DHRSX: variants seen among roughly 807,000 people sequenced by gnomAD.
DHRSX encodes polyprenol dehydrogenase.
DHRSX carries 31 observed loss-of-function variants against 34.0 expected under a neutral mutation model. That is an observed-to-expected ratio of 0.91 (90% CI 0.69 to 1.23). The LOEUF is 1.23. Among genes scored for constraint, DHRSX ranks in the 50% most tolerant of loss-of-function variants. The probability of loss-of-function intolerance (pLI) is 0.00; values close to 1 mark genes in which losing one functional copy is unlikely to be tolerated. For synonymous variants in DHRSX, 201 were observed against 183.8 expected (o/e 1.09, Z -0.76); for missense variants, 414 against 428.1 (o/e 0.97, Z 0.29).
intron 5 of DHRSX, among the ~76,000 whole-genome samples, chrX:2,266,358 G>A (rs2041471383): frequency 6.8e-6 from 1 of 146,190 alleles, no homozygotes; most frequent in Non-Finnish European, 1.5e-5. Context: ...GAGCACCAGT[G>A]CTCGGCAGAT....
At chrX:2,336,779 CTTG>C (rs1346569137) in intron 3 of DHRSX, among the ~76,000 whole-genome samples, 2 of 152,018 alleles carry the variant, frequency 1.3e-5, no homozygotes, top group African/African-American at 4.8e-5. Flanking sequence ...AAAGAATAAA[CTTG>C]TTGTGGCTTT....
At chrX:2,485,052 G>C (rs189278402) in intron 1 of DHRSX, among the ~76,000 whole-genome samples, 50 of 152,216 alleles carry the variant, frequency 3.3e-4, no homozygotes, top group Admixed American at 1.5e-3. Flanking sequence ...TCTGCAAAGT[G>C]GGGGGGAAAC....
intron 6 of DHRSX, among the ~76,000 whole-genome samples, chrX:2,237,408 A>AT (rs1202200753): frequency 6.6e-6 from 1 of 152,084 alleles, no homozygotes; most frequent in African/African-American, 2.4e-5. Context: ...GTTCATTTTG[A>AT]TGGCAGGCCT....
chrX:2,273,931 G>A (rs1253540964), intron 4 of DHRSX, among the ~76,000 whole-genome samples: 6 of 152,210 alleles, frequency 3.9e-5, no homozygotes, highest in Non-Finnish European at 7.3e-5. Flanking sequence ...AGCTGCGTGA[G>A]AATTCCTGCG....
intron 3 of DHRSX, among the ~76,000 whole-genome samples, chrX:2,340,369 T>A (rs1394903986): frequency 6.6e-6 from 1 of 152,088 alleles, no homozygotes; most frequent in Non-Finnish European, 1.5e-5. Context: ...TCCAGTCTCA[T>A]CCAGGTCACT....
chrX:2,401,797 A>C (rs950118195), intron 3 of DHRSX, among the ~76,000 whole-genome samples: 1 of 152,214 alleles, frequency 6.6e-6, no homozygotes, highest in Non-Finnish European at 1.5e-5. Context: ...AGGAGCCACA[A>C]AGGTGTGGGC....
At chrX:2,245,924 T>C (rs1478638495) in intron 5 of DHRSX, among the ~76,000 whole-genome samples, 1 of 140,970 alleles carries the variant, frequency 7.1e-6, no homozygotes, top group African/African-American at 2.7e-5. Context: ...ATTGTACCAC[T>C]GCACTCCAGC....
chrX:2,307,783 TAAAAATAAA>T (rs72054661), intron 3 of DHRSX, among the ~76,000 whole-genome samples: 3,336 of 102,668 alleles, frequency 0.032, 113 homozygotes, highest in African/African-American at 0.09. Context: ...AAAAAAGTAA[TAAAAATAAA>T]AAAAATAAAA....
chrX:2,234,469 C>T (rs1175795517), intron 6 of DHRSX, among the ~76,000 whole-genome samples: 1 of 152,228 alleles, frequency 6.6e-6, no homozygotes, highest in Non-Finnish European at 1.5e-5. Flanking sequence ...CCTTCCCTGC[C>T]TTCCAGGCAC....
chrX:2,471,135 C>T (rs933436872), intron 1 of DHRSX, among the ~76,000 whole-genome samples: 1 of 152,076 alleles, frequency 6.6e-6, no homozygotes, highest in Non-Finnish European at 1.5e-5. Flanking sequence ...CATTTCCAGG[C>T]AGAAAACAAA....
chrX:2,268,220 T>G (rs1041026529), intron 4 of DHRSX, among the ~76,000 whole-genome samples: 2 of 152,180 alleles, frequency 1.3e-5, no homozygotes, highest in African/African-American at 4.8e-5. Flanking sequence ...GTCCTTGCTG[T>G]GGAGGCCTGA....
intron 6 of DHRSX, among the ~76,000 whole-genome samples, chrX:2,242,609 G>C (rs1286843219): frequency 6.6e-6 from 1 of 152,062 alleles, no homozygotes; most frequent in Admixed American, 6.6e-5. Flanking sequence ...CAGTAAAGAA[G>C]CGGGCCAAAA....
chrX:2,236,653 A>T (rs2016022588), intron 6 of DHRSX, among the ~76,000 whole-genome samples: 1 of 151,924 alleles, frequency 6.6e-6, no homozygotes, highest in Non-Finnish European at 1.5e-5. Flanking sequence ...GCTGGTCTCG[A>T]ACTCCTGGCC....
chrX:2,310,069 A>C (rs1454570204), intron 3 of DHRSX, among the ~76,000 whole-genome samples: 1 of 152,114 alleles, frequency 6.6e-6, no homozygotes, highest in Non-Finnish European at 1.5e-5. Context: ...GTCCCTACGC[A>C]TCCTAATAAA....
At chrX:2,417,689 A>G (rs2043714611) in intron 2 of DHRSX, among the ~76,000 whole-genome samples, 1 of 151,854 alleles carries the variant, frequency 6.6e-6, no homozygotes, top group South Asian at 2.1e-4. Flanking sequence ...ACCTAGCCAA[A>G]CCACACATCA....
intron 1 of DHRSX, among the ~76,000 whole-genome samples, chrX:2,473,182 C>T (rs775219963): frequency 2.9e-4 from 44 of 152,186 alleles, no homozygotes; most frequent in Non-Finnish European, 4.7e-4. Flanking sequence ...AGGACTGTTA[C>T]AGGGACAACA....
chrX:2,346,927 G>C (rs778066570), intron 3 of DHRSX, among the ~76,000 whole-genome samples: 113 of 152,116 alleles, frequency 7.4e-4, no homozygotes, highest in Non-Finnish European at 9.0e-4. Flanking sequence ...GTGATAGTTT[G>C]CTGAGAATGA....
chrX:2,460,452 C>T (rs1266518068), intron 1 of DHRSX, among the ~76,000 whole-genome samples: 4 of 152,190 alleles, frequency 2.6e-5, no homozygotes, highest in Admixed American at 1.3e-4. Flanking sequence ...GTCGCCCAGG[C>T]TATTGCCCAG....
rs191171558 is a variant in DHRSX, at chrX:2,256,743, A to G, written c.596+9997T>C. 5.2e-3 allele frequency among the ~76,000 whole-genome samples: 786 copies of G among 152,300 alleles called. 5 individuals are homozygous for G. Among genetic ancestry groups the G allele is most frequent in the Non-Finnish European group, 9.0e-3 (610 of 68,028 alleles). On this transcript the variant is annotated intron_variant, in intron 5 of 6. Transcript: ENST00000334651. ...TCAATCTTGGCAATTAACACTAATTACTGGCAATGATTATATCAGGCAAAA... is the reference window on the plus strand; with the variant it reads ...TCAATCTTGGCAATTAACACTAATTGCTGGCAATGATTATATCAGGCAAAA...
Sources: allele counts gnomAD v4.1 joint callset (sites outside exome capture counted in the v4.1 genomes callset), GRCh38; gene constraint gnomAD v4.1.1; transcripts MANE v1.5; gene names NCBI Gene and HGNC (gene_info 2026-07-23, HGNC 2026-07-21).